The following STPG1 variants were observed in gnomAD, a reference collection of about 807,000 sequenced individuals.
The protein encoded by STPG1 is sperm tail PG-rich repeat containing 1.
STPG1 carries 33 observed loss-of-function variants against 40.1 expected under a neutral mutation model. The observed-to-expected ratio is 0.82, with a 90% CI of 0.62 to 1.10. The LOEUF is 1.10. Ranked by LOEUF, STPG1 falls within the 50% of genes least tolerant of loss-of-function variation. STPG1 has a pLI of 0.00. For synonymous variants in STPG1, 150 were observed against 155.0 expected, an observed-to-expected ratio of 0.97 and a Z score of 0.24; for missense variants, 396 against 415.1, an observed-to-expected ratio of 0.95 and a Z score of 0.40.
At chr1:24,362,200 A>G (rs954556208) in intron 7 of STPG1, among the ~76,000 whole-genome samples, 3 of 152,166 alleles carry the variant, frequency 2.0e-5, no homozygotes, top group African/African-American at 7.2e-5. Flanking sequence ...TTAGCCAACA[A>G]CTTCTTAAAC....
Position 24,391,635 on chromosome 1 carries a change from AT to A in STPG1, c.114del (p.Lys38AsnfsTer6). 2 of 1,550,152 alleles carry A rather than the reference AT, an allele frequency of 1.3e-6. No individual in the cohort carries two copies. The highest frequency in any genetic ancestry group is 2.4e-5 in the South Asian group (2 of 84,052). ...AYPTQSSIPF[K>X]SQASVIPESE... ...GATTCTGGGATTACTGAAGCTTGAGATTTAAAAGGAATGGAGGATTGTGTTG... is the reference window on the plus strand; with the variant it reads ...GATTCTGGGATTACTGAAGCTTGAGATTAAAAGGAATGGAGGATTGTGTTG... On this transcript the variant is annotated frameshift_variant, in exon 3 of 9. Coordinates refer to ENST00000337248, the MANE Select transcript of STPG1 (RefSeq NM_001199013.2). LOFTEE classifies it high-confidence loss of function.
chr1:24,387,394 A>G lies in STPG1; in HGVS notation c.190-3391T>C, dbSNP rs749455254. ...GTGGGGTCTGGAAAGGACAGCAATG[A>G]CCACTGCCCAAGGAGCTCCTAGGCA... On this transcript the variant is annotated intron_variant, in intron 3 of 8. Transcript: ENST00000337248. 1.1e-4 allele frequency among the ~76,000 whole-genome samples: 16 copies of G among 152,102 alleles called. 1 individual carries two copies. The highest frequency in any genetic ancestry group is 2.2e-4 in the Non-Finnish European group (15 of 68,018).
At chr1:24,377,657 T>G (rs1436896728) in intron 5 of STPG1, among the ~76,000 whole-genome samples, 2 of 152,160 alleles carry the variant, frequency 1.3e-5, no homozygotes, top group African/African-American at 4.8e-5. Context: ...CAGTTTGTAA[T>G]TATTTTGTTT....
intron 7 of STPG1, among the ~76,000 whole-genome samples, chr1:24,362,515 G>A (rs1250404022): frequency 6.6e-6 from 1 of 152,152 alleles, no homozygotes; most frequent in Non-Finnish European, 1.5e-5. Context: ...AAGGAACAAT[G>A]ACACTAACTT....
In STPG1 at chr1:24,359,096, C is replaced by T. The variant is rs1036711478; in HGVS notation, c.929-477G>A. On this transcript the variant is annotated intron_variant, in intron 8 of 8. Coordinates refer to ENST00000337248, the MANE Select transcript of STPG1 (RefSeq NM_001199013.2). This position sits in a 1 kb window ranked among gnomAD's most constrained non-coding sequence, Gnocchi z 5.3. ...ATACTGACTTGGTTAATGAGGGTCC[C>T]GTGCACAGCCTCTCTGTTCCTATAC... 6.6e-6 allele frequency among the ~76,000 whole-genome samples: 1 copy of T among 152,162 alleles called. No individual in the cohort carries two copies. The highest frequency in any genetic ancestry group is 6.5e-5 in the Admixed American group (1 of 15,288).
intron 3 of STPG1, among the ~76,000 whole-genome samples, chr1:24,385,801 G>C (rs768377614): frequency 1.3e-5 from 2 of 152,194 alleles, no homozygotes; most frequent in Non-Finnish European, 2.9e-5. Context: ...GCTGCCACAC[G>C]CTAAGTGATC....
chr1:24,369,137 GA>G (rs1328948165), intron 7 of STPG1: 1 of 346,974 alleles, frequency 2.9e-6, no homozygotes, highest in Non-Finnish European at 5.7e-6. Context: ...CAGCAGAGCT[GA>G]AGTACAAATC....
At chr1:24,400,659 G>A (rs1215144343) in intron 2 of STPG1, among the ~76,000 whole-genome samples, 2 of 152,210 alleles carry the variant, frequency 1.3e-5, no homozygotes, top group Non-Finnish European at 2.9e-5. Context: ...AAGAAAAAGC[G>A]CTGGAGCCTA....
At chr1:24,386,299 A>C (rs779587640) in intron 3 of STPG1, among the ~76,000 whole-genome samples, 1 of 152,234 alleles carries the variant, frequency 6.6e-6, no homozygotes, top group African/African-American at 2.4e-5. Flanking sequence ...GCCACTTTGC[A>C]TACTGGCTTG....
At chr1:24,391,828 T>TAA (rs3215501) in intron 2 of STPG1, 149 bp from the exon 3 acceptor site, 7,101 of 1,077,322 alleles carry the variant, frequency 6.6e-3, no homozygotes, top group East Asian at 0.011. Context: ...GAAACCGGAT[T>TAA]AAAAAAAAAA....
At chr1:24,367,030 G>A (rs1268370197) in intron 7 of STPG1, among the ~76,000 whole-genome samples, 1 of 152,218 alleles carries the variant, frequency 6.6e-6, no homozygotes, top group African/African-American at 2.4e-5. Flanking sequence ...GAGCCAGCGA[G>A]CCCTAGAAGC....
At chr1:24,409,905 T>G (rs924829285) in intron 1 of STPG1, among the ~76,000 whole-genome samples, 4 of 152,120 alleles carry the variant, frequency 2.6e-5, no homozygotes, top group Admixed American at 1.3e-4. Context: ...GTAAAGTGCC[T>G]CCTTTATGTG....
chr1:24,375,820 T>C (rs1301216869), intron 5 of STPG1, among the ~76,000 whole-genome samples: 1 of 152,172 alleles, frequency 6.6e-6, no homozygotes, highest in East Asian at 1.9e-4. Context: ...GGGAGCATTT[T>C]TGTATACGCT....
At chr1:24,369,080 A>G (rs531338315) in intron 7 of STPG1, 1 of 254,726 alleles carries the variant, frequency 3.9e-6, no homozygotes, top group East Asian at 1.1e-4. Context: ...GAGGGCATGG[A>G]GGCTCAGAGA....
chr1:24,393,217 C>T (rs531022945), intron 2 of STPG1, among the ~76,000 whole-genome samples: 1 of 152,210 alleles, frequency 6.6e-6, no homozygotes, highest in Admixed American at 6.5e-5. Context: ...GCTCAATAAA[C>T]ACGATGGGGA....
In STPG1 at chr1:24,359,197, G is replaced by A. The variant is rs1184876408; in HGVS notation, c.929-578C>T. On this transcript the variant is annotated intron_variant, in intron 8 of 8. Transcript: ENST00000337248. The surrounding 1 kb of genome is among the most constrained non-coding windows in gnomAD (Gnocchi z 5.3). ...ACTGGAAGCTGAGCAGGCAGATGCCGGCACGTGCACGTGCCCAGGAAACCC... is the reference window on the plus strand; with the variant it reads ...ACTGGAAGCTGAGCAGGCAGATGCCAGCACGTGCACGTGCCCAGGAAACCC... Among the ~76,000 whole-genome samples, 2 of 152,174 alleles carry A rather than the reference G, an allele frequency of 1.3e-5. No individual in the cohort carries two copies. The highest frequency in any genetic ancestry group is 2.9e-5 in the Non-Finnish European group (2 of 68,034).
intron 2 of STPG1, among the ~76,000 whole-genome samples, chr1:24,395,913 G>A (rs1642981109): frequency 6.6e-6 from 1 of 151,542 alleles, no homozygotes; most frequent in African/African-American, 2.4e-5. Context: ...AACCCAGGAG[G>A]TGTAGGTTAC....
chr1:24,391,969 A>C, intron 2 of STPG1: 1 of 1,099,588 alleles, frequency 9.1e-7, no homozygotes, highest in Non-Finnish European at 1.1e-6. Flanking sequence ...GATAGTAAAG[A>C]CATTCTTGCC....
intron 1 of STPG1, among the ~76,000 whole-genome samples, chr1:24,404,168 T>C (rs1306877975): frequency 6.6e-6 from 1 of 152,234 alleles, no homozygotes; most frequent in African/African-American, 2.4e-5. Context: ...TCAAATACTT[T>C]TTCCGCATCT....
Sources: gnomAD v4.1 joint callset for allele counts (sites outside exome capture counted in the v4.1 genomes callset) on GRCh38, gnomAD v4.1.1 for gene constraint, Gnocchi (gnomAD v3.1) non-coding constraint, MANE v1.5 for transcripts, NCBI Gene and HGNC (gene_info 2026-07-23, HGNC 2026-07-21) for gene names.